The following NGFR variants were observed in gnomAD, a reference collection of about 807,000 sequenced individuals.
NGFR encodes the protein tumor necrosis factor receptor superfamily member 16.
In NGFR, 30 loss-of-function variants were observed where a neutral mutation model predicts 43.2. The observed-to-expected ratio is 0.69, with a 90% confidence interval of 0.52 to 0.94. The LOEUF (loss-of-function observed/expected upper bound fraction) is 0.94, where lower values mean the gene tolerates loss of function less well. Among genes scored for constraint, NGFR ranks in the 40% least tolerant of loss-of-function variants. NGFR has a pLI of 0.00. For missense variants in NGFR, 529 were observed against 602.5 expected (o/e 0.88, Z 1.28); for synonymous variants, 246 against 259.6 (o/e 0.95, Z 0.50).
intron 1 of NGFR, 61 bp from the exon 2 acceptor site, chr17:49,501,998 GAACC>G: frequency 2.0e-6 from 1 of 508,524 alleles, no homozygotes; most frequent in Non-Finnish European, 3.6e-6. Flanking sequence ...TTCCCCGGAA[GAACC>G]CCCCCCAACC....
At position 49,510,576 on chromosome 17, in the gene NGFR, C is replaced by T. The variant is rs757264010; in HGVS notation, c.733C>T (p.Arg245Ter). The T allele has an allele frequency of 5.6e-6, 9 of 1,613,830 alleles. No individual in the cohort carries two copies. Among genetic ancestry groups the T allele is most frequent in the South Asian group, 1.1e-5 (1 of 91,062 alleles). Residue 245 changes from arginine to a stop codon, truncating the protein, a stop_gained, in exon 4 of 6, where the codon CGA becomes TGA. Coordinates refer to ENST00000172229, the MANE Select transcript of NGFR (RefSeq NM_002507.4). LOFTEE classifies it high-confidence loss of function. The stretch of plus-strand genomic sequence containing the variant: ...GGGCAGCTCCCAGCCCGTGGTGACC[C>T]GAGGCACCACCGACAACCTCATCCC... ...VMGSSQPVVT[R>*]GTTDNLIPVY...
intron 1 of NGFR, among the ~76,000 whole-genome samples, chr17:49,500,493 G>A (rs1017763958): frequency 4.6e-5 from 7 of 152,218 alleles, no homozygotes; most frequent in South Asian, 2.1e-4. Flanking sequence ...AGAGAGAACC[G>A]GAGAACAGGC....
chr17:49,502,011 C>CCA, intron 1 of NGFR, 52 bp from the exon 2 acceptor site: 1 of 789,354 alleles, frequency 1.3e-6, no homozygotes, highest in Non-Finnish European at 1.7e-6. Context: ...CCCCCCCCAA[C>CCA]CCACCCCAGC....
At chr17:49,498,508 A>G (rs1268169476) in intron 1 of NGFR, among the ~76,000 whole-genome samples, 1 of 152,088 alleles carries the variant, frequency 6.6e-6, no homozygotes, top group Non-Finnish European at 1.5e-5. Flanking sequence ...TTCACTTAAG[A>G]GCTCTTTGCT....
intron 1 of NGFR, 45 bp from the exon 2 acceptor site, chr17:49,502,018 C>CCCCCCCAAAG: frequency 7.6e-7 from 1 of 1,320,358 alleles, no homozygotes; most frequent in Non-Finnish European, 1.0e-6. Context: ...CAACCCACCC[C>CCCCCCCAAAG]AGCTTTCTCT....
At chr17:49,505,048 A>C (rs2071188953) in intron 2 of NGFR, among the ~76,000 whole-genome samples, 1 of 152,112 alleles carries the variant, frequency 6.6e-6, no homozygotes, top group Non-Finnish European at 1.5e-5. Context: ...CTGGGATTAC[A>C]GGAGTGAGCC....
intron 1 of NGFR, 64 bp from the exon 2 acceptor site, chr17:49,501,999 A>ATGGG: frequency 1.0e-4 from 34 of 330,978 alleles, no homozygotes; most frequent in East Asian, 1.9e-4. Context: ...TCCCCGGAAG[A>ATGGG]ACCCCCCCCA....
intron 3 of NGFR, among the ~76,000 whole-genome samples, chr17:49,507,488 C>A (rs370791365): frequency 1.3e-5 from 2 of 152,180 alleles, no homozygotes; most frequent in East Asian, 3.8e-4. Flanking sequence ...TGGATGGGAG[C>A]TGGGCGTGCC....
rs2071132593 is a variant in NGFR at position 49,495,416 on chromosome 17, C to G, written c.-2C>G. 8.1e-7 allele frequency: 1 copy of G among 1,234,790 alleles called. No individual in the cohort carries two copies. The highest frequency in any genetic ancestry group is 1.0e-6 in the Non-Finnish European group (1 of 988,358). 76.5% of individuals were successfully genotyped at this position (1,234,790 alleles called of 1,614,324 possible). ...GTCGAGCGCTGCCGCGGGAGGCGGG[C>G]GATGGGGGCAGGTGCCACCGGCCGC... is the stretch of plus-strand genomic sequence containing the variant. On this transcript the variant is annotated 5_prime_UTR_variant, in exon 1 of 6. Coordinates refer to ENST00000172229, the MANE Select transcript of NGFR (RefSeq NM_002507.4). This position sits in a 1 kb window ranked among gnomAD's most constrained non-coding sequence, Gnocchi z 6.4.
At chr17:49,510,299 C>T (rs539749549) in intron 3 of NGFR, 113 bp from the exon 4 acceptor site, 78 of 1,480,202 alleles carry the variant, frequency 5.3e-5, no homozygotes, top group Non-Finnish European at 6.8e-5. Flanking sequence ...AACAGCTGGG[C>T]ACAAGAGCAC....
In NGFR at chr17:49,510,341, C is replaced by T. The variant is rs970954252; in HGVS notation, c.569-71C>T. On this transcript the variant is annotated intron_variant, in intron 3 of 5. Coordinates refer to ENST00000172229, the MANE Select transcript of NGFR (RefSeq NM_002507.4). Reference sequence around the variant, plus strand: ...CCAGGGCGGGGACACAGGAAGAACACGGCAGTGGGTTAGAGCTAAAAGGGA... The same window carrying T: ...CCAGGGCGGGGACACAGGAAGAACATGGCAGTGGGTTAGAGCTAAAAGGGA... 2.2e-5 allele frequency: 34 copies of T among 1,581,352 alleles called. No individual in the cohort carries two copies. The Middle Eastern group carries it at 5.1e-4, about 24-fold the overall frequency.
At chr17:49,507,719 A>G (rs1455739809) in intron 3 of NGFR, among the ~76,000 whole-genome samples, 1 of 152,170 alleles carries the variant, frequency 6.6e-6, no homozygotes, top group African/African-American at 2.4e-5. Flanking sequence ...TCCCTTTGAG[A>G]ACTAACCTGC....
chr17:49,500,399 G>A (rs1287149364), intron 1 of NGFR, among the ~76,000 whole-genome samples: 5 of 152,160 alleles, frequency 3.3e-5, no homozygotes, highest in African/African-American at 4.8e-5. Flanking sequence ...GCCAGATACC[G>A]CATCAGGCCC....
At chr17:49,502,363 T>C (rs1305734121) in intron 2 of NGFR, among the ~76,000 whole-genome samples, 159 bp downstream of exon 2, 1 of 151,760 alleles carries the variant, frequency 6.6e-6, no homozygotes, top group Admixed American at 6.6e-5. Context: ...AGGAGGCGCT[T>C]CTCCCAGATT....
At position 49,495,678 on chromosome 17, in the gene NGFR, G is replaced by C; in HGVS notation, c.66+195G>C. The stretch of plus-strand genomic sequence containing the variant: ...CCGGAGCGCAGAGGCGACTCTCCAG[G>C]GTGGAGATGAGGGCAAGACCGGAGC... On this transcript the variant is annotated intron_variant, in intron 1 of 5. Transcript: ENST00000172229. This position sits in a 1 kb window ranked among gnomAD's most constrained non-coding sequence, Gnocchi z 6.4. The C allele has an allele frequency of 2.2e-6, 1 of 463,188 alleles. No individual in the cohort carries two copies. The highest frequency in any genetic ancestry group is 3.5e-5 in the East Asian group (1 of 28,196). The allele number at this position is 463,188 out of a possible 1,614,324, so 28.7% of individuals were successfully genotyped here. A position where few individuals can be genotyped will look rare whatever the true frequency, so the allele number is the denominator to read the frequency against.
intron 2 of NGFR, among the ~76,000 whole-genome samples, chr17:49,502,866 TCCTTTCTC>T (rs2071175906): frequency 6.9e-6 from 1 of 143,908 alleles, no homozygotes; most frequent in Admixed American, 6.9e-5. Context: ...CTTCCTTCCT[TCCTTTCTC>T]TCTCTCTCTT....
intron 3 of NGFR, 46 bp downstream of exon 3, chr17:49,506,704 G>GGGGGGGGGGGGGGGGGGGGGC: frequency 4.1e-6 from 3 of 737,234 alleles, no homozygotes; most frequent in African/African-American, 1.9e-5. Context: ...GCGGGGGTGG[G>GGGGGGGGGGGGGGGGGGGGGC]CTGGGGGCAT....
chr17:49,496,736 C>T (rs1597858246), intron 1 of NGFR: 1 of 152,344 alleles, frequency 6.6e-6, no homozygotes, highest in East Asian at 1.9e-4. Flanking sequence ...TGAGCCTCTC[C>T]TGGCTCTCGG....
intron 1 of NGFR, among the ~76,000 whole-genome samples, chr17:49,498,321 T>A (rs1368525634): frequency 2.0e-5 from 3 of 152,212 alleles, no homozygotes; most frequent in Non-Finnish European, 4.4e-5. Flanking sequence ...CCCTGCCCCC[T>A]CTCAAGTCTC....
Sources: allele counts gnomAD v4.1 joint callset (sites outside exome capture counted in the v4.1 genomes callset), GRCh38; gene constraint gnomAD v4.1.1; non-coding constraint Gnocchi (gnomAD v3.1); transcripts MANE v1.5; gene names NCBI Gene and HGNC (gene_info 2026-07-23, HGNC 2026-07-21).